Variants in GNG12 observed in about 807,000 individuals in gnomAD.
GNG12 encodes guanine nucleotide-binding protein G(I)/G(S)/G(O) subunit gamma-12.
For missense variants in GNG12, 69 were observed against 83.8 expected (o/e 0.82, Z 0.69); for synonymous variants, 28 against 29.7 (o/e 0.94, Z 0.19).
intron 3 of GNG12, among the ~76,000 whole-genome samples, chr1:67,706,443 T>C (rs1479740959): frequency 6.6e-6 from 1 of 152,130 alleles, no homozygotes; most frequent in Non-Finnish European, 1.5e-5. Flanking sequence ...TACTCCCGCA[T>C]GAATTAAACA....
chr1:67,804,974 T>C (rs1009958794), intron 1 of GNG12, among the ~76,000 whole-genome samples: 12 of 152,192 alleles, frequency 7.9e-5, no homozygotes, highest in Admixed American at 7.8e-4. Context: ...AACATTCTAT[T>C]CTTCTTAATA....
At chr1:67,783,824 T>C (rs545529557) in intron 1 of GNG12, among the ~76,000 whole-genome samples, 282 of 151,780 alleles carry the variant, frequency 1.9e-3, no homozygotes, top group African/African-American at 6.4e-3. Context: ...CAACAGGTGC[T>C]GGAGAGGATG....
chr1:67,772,852 T>C (rs60361649), intron 2 of GNG12, among the ~76,000 whole-genome samples: 12,584 of 152,270 alleles, frequency 0.083, 645 homozygotes, highest in African/African-American at 0.12. Flanking sequence ...GCTAGAAGTA[T>C]GGCAAAAGAG....
At chr1:67,751,843 G>A (rs1343995434) in intron 2 of GNG12, among the ~76,000 whole-genome samples, 1 of 152,174 alleles carries the variant, frequency 6.6e-6, no homozygotes, top group Non-Finnish European at 1.5e-5. Context: ...CTAATGTGCT[G>A]AACACGGGTA....
chr1:67,706,324 G>A (rs999011493), intron 3 of GNG12, among the ~76,000 whole-genome samples: 2 of 152,168 alleles, frequency 1.3e-5, no homozygotes, highest in African/African-American at 2.4e-5. Context: ...CGATGGGCTC[G>A]GAGCCAAAAC....
intron 2 of GNG12, among the ~76,000 whole-genome samples, chr1:67,762,205 G>T (rs1646609693): frequency 1.3e-5 from 2 of 152,180 alleles, no homozygotes. Flanking sequence ...GTCCACAGTA[G>T]GAACTGCCAC....
chr1:67,715,120 T>C (rs1303762541), intron 2 of GNG12, among the ~76,000 whole-genome samples: 1 of 152,154 alleles, frequency 6.6e-6, no homozygotes, highest in Non-Finnish European at 1.5e-5. Context: ...GGTTTCACCA[T>C]GTTGGCCAGG....
At chr1:67,797,347 C>A (rs1349533924) in intron 1 of GNG12, among the ~76,000 whole-genome samples, 1 of 152,152 alleles carries the variant, frequency 6.6e-6, no homozygotes, top group Admixed American at 6.5e-5. Context: ...AAGGCAGAGA[C>A]CCCCTGCCCT....
intron 2 of GNG12, among the ~76,000 whole-genome samples, chr1:67,709,940 ATATATATAGT>A (rs1646275832): frequency 4.0e-5 from 1 of 25,246 alleles, no homozygotes; most frequent in Non-Finnish European, 7.0e-5. Context: ...ATATAGTTAT[ATATATATAGT>A]TATATATATA....
chr1:67,726,506 G>C (rs1646387355), intron 2 of GNG12, among the ~76,000 whole-genome samples: 1 of 152,202 alleles, frequency 6.6e-6, no homozygotes, highest in Non-Finnish European at 1.5e-5. Context: ...TGATGACACA[G>C]AAATCTGTGG....
chr1:67,824,509 CAA>C (rs35736017), intron 1 of GNG12, among the ~76,000 whole-genome samples: 7 of 94,158 alleles, frequency 7.4e-5, no homozygotes, highest in Admixed American at 1.3e-4. Flanking sequence ...GATCCTGTCT[CAA>C]AAAAAAAAAA....
chr1:67,825,638 T>A (rs1647006828), intron 1 of GNG12, among the ~76,000 whole-genome samples: 2 of 152,206 alleles, frequency 1.3e-5, no homozygotes, highest in African/African-American at 4.8e-5. Flanking sequence ...CTAGAAGCCT[T>A]TTTCCAGAAG....
At chr1:67,714,585 C>A (rs546274680) in intron 2 of GNG12, among the ~76,000 whole-genome samples, 1 of 152,312 alleles carries the variant, frequency 6.6e-6, no homozygotes, top group South Asian at 2.1e-4. Context: ...GTGAAGTACA[C>A]CCAGCACTTT....
chr1:67,744,836 T>C (rs947764284), intron 2 of GNG12, among the ~76,000 whole-genome samples: 10 of 152,110 alleles, frequency 6.6e-5, no homozygotes, highest in Non-Finnish European at 1.3e-4. Context: ...AAATCTTCTG[T>C]CCCTCCCAGC....
chr1:67,820,417 CA>C (rs1341295251), intron 1 of GNG12, among the ~76,000 whole-genome samples: 21 of 150,956 alleles, frequency 1.4e-4, no homozygotes, highest in South Asian at 4.2e-4. Flanking sequence ...AGCTTATTAA[CA>C]ACTGAAAAAC....
chr1:67,785,817 T>A (rs1396886385), intron 1 of GNG12, among the ~76,000 whole-genome samples: 1 of 152,172 alleles, frequency 6.6e-6, no homozygotes, highest in Non-Finnish European at 1.5e-5. Flanking sequence ...TTAAACAGAA[T>A]GTCTAAGAAT....
At chr1:67,822,620 TG>T in intron 1 of GNG12, among the ~76,000 whole-genome samples, 1 of 152,340 alleles carries the variant, frequency 6.6e-6, no homozygotes, top group African/African-American at 2.4e-5. Context: ...GCACTGGGCC[TG>T]GAAGATAAAA....
intron 2 of GNG12, among the ~76,000 whole-genome samples, chr1:67,770,326 G>C (rs1014552152): frequency 4.6e-5 from 7 of 152,154 alleles, no homozygotes; most frequent in African/African-American, 1.7e-4. Context: ...CAGAGAAAAG[G>C]GTTTCAAAAG....
intron 1 of GNG12, among the ~76,000 whole-genome samples, chr1:67,803,464 G>C (rs1436982217): frequency 6.6e-6 from 1 of 152,190 alleles, no homozygotes; most frequent in African/African-American, 2.4e-5. Context: ...TTCGGTAAAA[G>C]GAGTGAGAGA....
Sources: gnomAD v4.1 joint callset for allele counts (sites outside exome capture counted in the v4.1 genomes callset) on GRCh38, gnomAD v4.1.1 for gene constraint, MANE v1.5 for transcripts, NCBI Gene and HGNC (gene_info 2026-07-23, HGNC 2026-07-21) for gene names.